SLC25A12: variants seen among roughly 807,000 people sequenced by gnomAD.
SLC25A12 encodes the protein solute carrier family 25 member 12.
SLC25A12 carries 32 observed loss-of-function variants against 83.3 expected under a neutral mutation model. The observed-to-expected ratio is 0.38, with a 90% CI of 0.29 to 0.52. The LOEUF is 0.52. Among genes scored for constraint, SLC25A12 ranks in the 20% least tolerant of loss-of-function variants. The probability of loss-of-function intolerance (pLI) is 0.84; values close to 1 mark genes in which losing one functional copy is unlikely to be tolerated. For synonymous variants in SLC25A12, 267 were observed against 291.1 expected (o/e 0.92, Z 0.84); for missense variants, 611 against 835.6 (o/e 0.73, Z 3.31).
At chr2:171,866,412 G>C (rs1280753926) in intron 3 of SLC25A12, among the ~76,000 whole-genome samples, 1 of 147,362 alleles carries the variant, frequency 6.8e-6, no homozygotes, top group African/African-American at 2.5e-5. Context: ...GGGGCGGCCG[G>C]GCAGAGGCGC....
At chr2:171,828,659 G>A (rs987383128) in intron 8 of SLC25A12, among the ~76,000 whole-genome samples, 2 of 152,060 alleles carry the variant, frequency 1.3e-5, no homozygotes, top group African/African-American at 4.8e-5. Flanking sequence ...CATTTTTCAT[G>A]CCCAAAATCT....
intron 5 of SLC25A12, among the ~76,000 whole-genome samples, chr2:171,838,170 ATTAT>A (rs780370031): frequency 5.4e-4 from 82 of 152,240 alleles, no homozygotes; most frequent in Non-Finnish European, 7.2e-4. Flanking sequence ...GTATATACAT[ATTAT>A]TTAAAGATTA....
At chr2:171,820,727 CAAA>C (rs375978724) in intron 9 of SLC25A12, among the ~76,000 whole-genome samples, 20 of 109,602 alleles carry the variant, frequency 1.8e-4, no homozygotes, top group Admixed American at 2.8e-4. Flanking sequence ...GACTCCGTCT[CAAA>C]AAAAAAAAAA....
chr2:171,856,064 T>C lies in SLC25A12; in HGVS notation c.210-115A>G. Reference sequence around the variant, plus strand: ...GGGTAACCAAATAATTGATAAAGGGTAGTTTGTTTTTATAGAGGTACTTCA... The same window carrying C: ...GGGTAACCAAATAATTGATAAAGGGCAGTTTGTTTTTATAGAGGTACTTCA... On this transcript the variant is annotated intron_variant, in intron 3 of 17. Coordinates refer to ENST00000422440, the MANE Select transcript of SLC25A12 (RefSeq NM_003705.5). 2.4e-5 allele frequency: 17 copies of C among 722,346 alleles called. No homozygotes were observed. In the South Asian group the frequency reaches 2.6e-4, roughly 11 times the overall value. 44.7% of individuals were successfully genotyped at this position (722,346 alleles called of 1,614,324 possible).
chr2:171,820,667 G>C (rs969615902), intron 9 of SLC25A12, among the ~76,000 whole-genome samples: 5 of 142,500 alleles, frequency 3.5e-5, no homozygotes, highest in Admixed American at 1.4e-4. Context: ...GGCGGAGCTT[G>C]CAGTGAGCCG....
chr2:171,833,859 T>G lies in SLC25A12; in HGVS notation c.845+104A>C. ...ATATTCTGAATATAAACTATTCAAATACATGGAAAAAACTCATGTTAGAAT... is the reference window on the plus strand; with the variant it reads ...ATATTCTGAATATAAACTATTCAAAGACATGGAAAAAACTCATGTTAGAAT... On this transcript the variant is annotated intron_variant, in intron 8 of 17. Coordinates refer to ENST00000422440, the MANE Select transcript of SLC25A12 (RefSeq NM_003705.5). The G allele has an allele frequency of 4.1e-6, 3 of 737,504 alleles. No individual in the cohort carries two copies. The East Asian group carries it at 7.6e-5, about 19-fold the overall frequency. The allele number at this position is 737,504 out of a possible 1,614,324, so 45.7% of individuals were successfully genotyped here.
chr2:171,793,217 T>C (rs779190751), intron 14 of SLC25A12, among the ~76,000 whole-genome samples: 2 of 152,056 alleles, frequency 1.3e-5, no homozygotes, highest in African/African-American at 2.4e-5. Context: ...ACTGTTTTAC[T>C]GTGGTCAAAT....
chr2:171,841,817 T>G (rs1220110895), intron 5 of SLC25A12, among the ~76,000 whole-genome samples: 1 of 152,156 alleles, frequency 6.6e-6, no homozygotes, highest in Non-Finnish European at 1.5e-5. Context: ...AGGTTCAACG[T>G]AACAGAACAG....
chr2:171,800,315 C>T (rs993747321), intron 13 of SLC25A12, among the ~76,000 whole-genome samples: 2 of 110,666 alleles, frequency 1.8e-5, no homozygotes, highest in African/African-American at 6.1e-5. Flanking sequence ...AAGACTTGAA[C>T]AGATACTTCA....
chr2:171,839,286 A>C (rs1449269729), intron 5 of SLC25A12, among the ~76,000 whole-genome samples: 1 of 152,220 alleles, frequency 6.6e-6, no homozygotes, highest in Non-Finnish European at 1.5e-5. Flanking sequence ...GGCACCTCCA[A>C]ATACCCACAC....
At chr2:171,811,087 AC>A (rs1283149567) in intron 11 of SLC25A12, among the ~76,000 whole-genome samples, 1 of 152,178 alleles carries the variant, frequency 6.6e-6, no homozygotes, top group Non-Finnish European at 1.5e-5. Context: ...TTGTTAGCAT[AC>A]TTTTTTGCAT....
chr2:171,876,707 G>C (rs1430979996), intron 2 of SLC25A12, among the ~76,000 whole-genome samples: 1 of 152,134 alleles, frequency 6.6e-6, no homozygotes, highest in Non-Finnish European at 1.5e-5. Flanking sequence ...ACTTAGTATA[G>C]CAAGCAATTT....
chr2:171,791,568 G>A lies in SLC25A12; in HGVS notation c.1468C>T (p.Arg490Ter), dbSNP rs762189046. The A allele has an allele frequency of 1.2e-6, 2 of 1,613,968 alleles. No homozygotes were observed. Among genetic ancestry groups the A allele is most frequent in the Non-Finnish European group, 1.7e-6 (2 of 1,179,858 alleles). ...LYKGAKACFL[R>*]DIPFSAIYFP... Reference sequence around the variant, plus strand: ...TAGATTGCAGAGAAGGGAATGTCTCGGAGGAAACACGCTTTGGCACCCTGT... The same window carrying A: ...TAGATTGCAGAGAAGGGAATGTCTCAGAGGAAACACGCTTTGGCACCCTGT... The change falls in exon 15 of 18, where the codon CGA becomes TGA. Residue 490 changes from arginine to a stop codon, truncating the protein, a stop_gained. Transcript: ENST00000422440. LOFTEE classifies it high-confidence loss of function.
At chr2:171,881,200 T>G (rs1188031562) in intron 2 of SLC25A12, among the ~76,000 whole-genome samples, 2 of 152,120 alleles carry the variant, frequency 1.3e-5, no homozygotes, top group Non-Finnish European at 2.9e-5. Flanking sequence ...CCACCCAGGC[T>G]GGAGTGGAGT....
intron 3 of SLC25A12, among the ~76,000 whole-genome samples, chr2:171,858,570 T>G (rs1396855063): frequency 6.6e-6 from 1 of 152,246 alleles, no homozygotes; most frequent in Admixed American, 6.5e-5. Flanking sequence ...AACTATCAGC[T>G]GGCAGACTGA....
intron 2 of SLC25A12, among the ~76,000 whole-genome samples, chr2:171,882,480 C>T (rs889999809): frequency 2.6e-5 from 4 of 152,178 alleles, no homozygotes; most frequent in Non-Finnish European, 5.9e-5. Context: ...GGGGATGCTC[C>T]ACATGGCAAA....
intron 3 of SLC25A12, among the ~76,000 whole-genome samples, chr2:171,866,891 G>A (rs1573994830): frequency 6.6e-6 from 1 of 151,214 alleles, no homozygotes; most frequent in Non-Finnish European, 1.5e-5. Context: ...CGGCTGCCGG[G>A]CGGAGGGGCT....
At chr2:171,789,721 C>T (rs1034307488) in intron 15 of SLC25A12, among the ~76,000 whole-genome samples, 3 of 152,126 alleles carry the variant, frequency 2.0e-5, no homozygotes, top group African/African-American at 4.8e-5. Context: ...TGGTGAAACC[C>T]TGTCTTTACT....
chr2:171,806,005 AGG>A (rs60728271), intron 13 of SLC25A12, among the ~76,000 whole-genome samples: 3,614 of 152,164 alleles, frequency 0.024, 149 homozygotes, highest in African/African-American at 0.083. Flanking sequence ...GCTACTGGGG[AGG>A]CTGAGAGATG....
Sources: allele counts gnomAD v4.1 joint callset (sites outside exome capture counted in the v4.1 genomes callset), GRCh38; gene constraint gnomAD v4.1.1; transcripts MANE v1.5; gene names NCBI Gene and HGNC (gene_info 2026-07-23, HGNC 2026-07-21).